The following SGIP1 variants were observed in gnomAD, a reference collection of about 807,000 sequenced individuals.
SGIP1 encodes SH3GL interacting endocytic adaptor 1.
Under a neutral mutation model 107.5 loss-of-function variants are expected in SGIP1, and 38 were observed. That is an observed-to-expected ratio of 0.35 (90% CI 0.27 to 0.46). The LOEUF (loss-of-function observed/expected upper bound fraction) is 0.46, where lower values mean the gene tolerates loss of function less well. Among genes scored for constraint, SGIP1 ranks in the 20% least tolerant of loss-of-function variants. SGIP1 has a pLI of 1.00. For missense variants in SGIP1, 929 were observed against 1,019.5 expected, an observed-to-expected ratio of 0.91 and a Z score of 1.21; for synonymous variants, 365 against 366.1, an observed-to-expected ratio of 1.00 and a Z score of 0.03.
rs2094524591 is a variant in SGIP1 at position 66,744,308 on chromosome 1, G to A, written c.*1213G>A. The A allele has an allele frequency of 1.3e-5, 2 of 152,118 alleles. No homozygotes were observed. Among genetic ancestry groups the A allele is most frequent in the South Asian group, 4.1e-4 (2 of 4,830 alleles). The allele number at this position is 152,118 out of a possible 1,614,324, so 9.4% of individuals were successfully genotyped here. ...TTTGCCATTCTTGGAGAAGCAAAAG[G>A]AGAGTTATCAAAAATGTATGTCGTT... is the stretch of plus-strand genomic sequence containing the variant. On this transcript the variant is annotated 3_prime_UTR_variant, in exon 25 of 25. Coordinates refer to ENST00000371037, the MANE Select transcript of SGIP1 (RefSeq NM_032291.4).
At chr1:66,691,349 C>T (rs575263470) in intron 17 of SGIP1, among the ~76,000 whole-genome samples, 24 of 152,240 alleles carry the variant, frequency 1.6e-4, no homozygotes, top group Middle Eastern at 6.8e-3. Flanking sequence ...GCCTATTTTC[C>T]CAGATAAATA....
chr1:66,618,073 T>A (rs1455596112), intron 1 of SGIP1, among the ~76,000 whole-genome samples: 1 of 152,216 alleles, frequency 6.6e-6, no homozygotes, highest in Admixed American at 6.5e-5. Context: ...TGAACTAAGA[T>A]AAGAAAATTC....
chr1:66,589,766 T>C (rs1530491), intron 1 of SGIP1, among the ~76,000 whole-genome samples: 28,608 of 152,144 alleles, frequency 0.19, 3,182 homozygotes, highest in African/African-American at 0.31. Flanking sequence ...GTCGTGGAAA[T>C]GTCTAGCTAT....
intron 2 of SGIP1, among the ~76,000 whole-genome samples, chr1:66,631,757 A>C (rs1468825274): frequency 6.8e-6 from 1 of 146,468 alleles, no homozygotes; most frequent in African/African-American, 2.5e-5. Flanking sequence ...ATGAAGCAAT[A>C]ATTTTCTTAC....
chr1:66,578,928 C>T (rs1481803500), intron 1 of SGIP1, among the ~76,000 whole-genome samples: 1 of 152,146 alleles, frequency 6.6e-6, no homozygotes, highest in Non-Finnish European at 1.5e-5. Flanking sequence ...TCCTCTGCTC[C>T]CCAAAGTACA....
chr1:66,659,342 A>G (rs1312036911), intron 7 of SGIP1, among the ~76,000 whole-genome samples: 1 of 152,180 alleles, frequency 6.6e-6, no homozygotes. Flanking sequence ...TTGACCACTC[A>G]CAGGGAGAAG....
intron 1 of SGIP1, among the ~76,000 whole-genome samples, chr1:66,598,203 A>G (rs2065097007): frequency 6.6e-6 from 1 of 152,168 alleles, no homozygotes; most frequent in Non-Finnish European, 1.5e-5. Context: ...GGTGATTTTA[A>G]TTTATTTTCT....
intron 1 of SGIP1, among the ~76,000 whole-genome samples, chr1:66,605,210 G>T (rs2066595879): frequency 6.6e-6 from 1 of 152,064 alleles, no homozygotes; most frequent in African/African-American, 2.4e-5. Context: ...TTTACAAATA[G>T]CAAATATTTT....
chr1:66,539,699 CT>C (rs2054448207), intron 1 of SGIP1, among the ~76,000 whole-genome samples: 1 of 152,196 alleles, frequency 6.6e-6, no homozygotes, highest in South Asian at 2.1e-4. Flanking sequence ...TGCCTCAGGG[CT>C]TTTTCTTTGC....
chr1:66,709,983 TAA>T (rs1175532782), intron 18 of SGIP1, among the ~76,000 whole-genome samples: 2 of 151,788 alleles, frequency 1.3e-5, no homozygotes, highest in Admixed American at 6.6e-5. Context: ...TACACACATA[TAA>T]GATATATTTT....
intron 12 of SGIP1, 146 bp from the exon 13 acceptor site, chr1:66,676,858 G>A (rs2085490342): frequency 6.3e-6 from 4 of 630,606 alleles, no homozygotes; most frequent in Non-Finnish European, 8.3e-6. Flanking sequence ...AAAGAATAAG[G>A]AGCAGCACAT....
At chr1:66,569,602 T>G (rs2060111166) in intron 1 of SGIP1, among the ~76,000 whole-genome samples, 1 of 151,918 alleles carries the variant, frequency 6.6e-6, no homozygotes. Flanking sequence ...TAATTCCCAC[T>G]TGGTTGTGGT....
intron 1 of SGIP1, among the ~76,000 whole-genome samples, chr1:66,539,181 C>A (rs892707529): frequency 6.6e-6 from 1 of 152,122 alleles, no homozygotes. Flanking sequence ...TGAATTTGGG[C>A]TCATGTGTCT....
rs1021969875 is a variant in SGIP1, at chr1:66,748,204, C to T, written c.*5109C>T. ...CTCACTTATGAATTAAATATGGCTA[C>T]CATTAATGTTCCTTTTTGTCAGTGG... On this transcript the variant is annotated 3_prime_UTR_variant, in exon 25 of 25. Coordinates refer to ENST00000371037, the MANE Select transcript of SGIP1 (RefSeq NM_032291.4). 1.3e-5 allele frequency: 2 copies of T among 151,758 alleles called. No homozygotes were observed. The highest frequency in any genetic ancestry group is 4.8e-5 in the African/African-American group (2 of 41,338). 9.4% of individuals were successfully genotyped at this position (151,758 alleles called of 1,614,324 possible). A position where few individuals can be genotyped will look rare whatever the true frequency, so the allele number is the denominator to read the frequency against.
At chr1:66,729,193 C>G in intron 19 of SGIP1, 71 bp from the exon 20 acceptor site, 1 of 1,552,962 alleles carries the variant, frequency 6.4e-7, no homozygotes, top group Non-Finnish European at 8.8e-7. Flanking sequence ...AATTGTTTTT[C>G]ACAGCAGTTT....
At chr1:66,619,290 T>C (rs1295815278) in intron 1 of SGIP1, among the ~76,000 whole-genome samples, 2 of 152,332 alleles carry the variant, frequency 1.3e-5, no homozygotes, top group African/African-American at 4.8e-5. Context: ...TACATTTATA[T>C]AGAGGTTCTA....
chr1:66,649,965 C>A (rs1206444800), intron 7 of SGIP1, among the ~76,000 whole-genome samples: 2 of 152,138 alleles, frequency 1.3e-5, no homozygotes, highest in African/African-American at 4.8e-5. Flanking sequence ...ACTCCCATAC[C>A]TACTTCATTG....
intron 1 of SGIP1, among the ~76,000 whole-genome samples, chr1:66,601,302 T>C (rs35902414): frequency 0.14 from 20,592 of 152,078 alleles, 2,063 homozygotes; most frequent in East Asian, 0.46. Context: ...GAGGCGGAGC[T>C]TGCAGTGAGC....
rs753986940 is a variant in SGIP1 at position 66,660,181 on chromosome 1, AAG to A, written c.460-330_460-329del. 3 of 174,490 alleles carry A rather than the reference AAG, an allele frequency of 1.7e-5. 1 individual carries two copies. Among genetic ancestry groups the A allele is most frequent in the South Asian group, 5.0e-4 (2 of 3,998 alleles). The allele number at this position is 174,490 out of a possible 1,614,324, so 10.8% of individuals were successfully genotyped here. A position where few individuals can be genotyped will look rare whatever the true frequency, so the allele number is the denominator to read the frequency against. On this transcript the variant is annotated intron_variant, in intron 7 of 24. Transcript: ENST00000371037. Reference sequence around the variant, plus strand: ...AAAGAAAGAAAGAAAGAAAGAAAGAAAGAAAGAAAGAAAGAAAGAAAGAAAGA... The same window carrying A: ...AAAGAAAGAAAGAAAGAAAGAAAGAAAAAGAAAGAAAGAAAGAAAGAAAGA...
Sources: allele counts gnomAD v4.1 joint callset (sites outside exome capture counted in the v4.1 genomes callset), GRCh38; gene constraint gnomAD v4.1.1; transcripts MANE v1.5; gene names NCBI Gene and HGNC (gene_info 2026-07-23, HGNC 2026-07-21).